The following POLR1A variants were observed in gnomAD, a reference collection of about 807,000 sequenced individuals.
POLR1A encodes the protein RNA polymerase I subunit A.
In POLR1A, 84 loss-of-function variants were observed where a neutral mutation model predicts 205.3. The ratio of observed to expected loss-of-function variants is 0.41; its 90% CI spans 0.34 to 0.49. The LOEUF (loss-of-function observed/expected upper bound fraction) is 0.49, where lower values mean the gene tolerates loss of function less well. Ranked by LOEUF, POLR1A falls within the 20% of genes least tolerant of loss-of-function variation. POLR1A has a pLI of 0.22. For synonymous variants in POLR1A, 799 were observed against 863.7 expected (o/e 0.93, Z 1.31); for missense variants, 1,645 against 2,204.5 (o/e 0.75, Z 5.08).
intron 9 of POLR1A, among the ~76,000 whole-genome samples, chr2:86,079,983 T>A (rs1335189506): frequency 6.6e-6 from 1 of 152,150 alleles, no homozygotes; most frequent in African/African-American, 2.4e-5. Context: ...AAGGAGTTTT[T>A]AAAAGCACAC....
chr2:86,095,872 C>T (rs550024342), intron 3 of POLR1A, among the ~76,000 whole-genome samples: 11 of 144,500 alleles, frequency 7.6e-5, no homozygotes, highest in East Asian at 5.1e-4. Context: ...GGACTACAGG[C>T]GCCTGCCACC....
At chr2:86,088,258 T>C (rs565412845) in intron 6 of POLR1A, among the ~76,000 whole-genome samples, 3 of 152,234 alleles carry the variant, frequency 2.0e-5, no homozygotes, top group Admixed American at 6.5e-5. Context: ...TGTTTCAAAA[T>C]ATTTGTCAGG....
In POLR1A at chr2:86,102,930, T is replaced by C. The variant is rs533318348; in HGVS notation, c.78-2758A>G. On this transcript the variant is annotated intron_variant, in intron 1 of 33. Transcript: ENST00000263857. ...GTTAAGAACTGAGAATGGGTGTCGT[T>C]AAGGACTGAAAGTGCCAAGCACTGA... is the stretch of plus-strand genomic sequence containing the variant. Among the ~76,000 whole-genome samples, 4 of 152,318 alleles carry C rather than the reference T, an allele frequency of 2.6e-5. No homozygotes were observed. In the South Asian group the frequency reaches 8.3e-4, roughly 32 times the overall value.
At chr2:86,050,705 T>C (rs895338805) in intron 16 of POLR1A, among the ~76,000 whole-genome samples, 1 of 152,230 alleles carries the variant, frequency 6.6e-6, no homozygotes, top group Non-Finnish European at 1.5e-5. Flanking sequence ...GATCTTCCTC[T>C]ATTTTCGTTT....
chr2:86,078,008 A>T (rs780492393), intron 10 of POLR1A, 27 bp from the exon 11 acceptor site: 2 of 1,613,874 alleles, frequency 1.2e-6, no homozygotes, highest in South Asian at 2.2e-5. Context: ...GGTCATAAAA[A>T]ACATTCAACA....
chr2:86,057,455 T>C (rs369826814), intron 14 of POLR1A, among the ~76,000 whole-genome samples: 45 of 152,346 alleles, frequency 3.0e-4, no homozygotes, highest in African/African-American at 1.1e-3. Context: ...CAATTCTACT[T>C]CTAGGTATAT....
chr2:86,073,075 T>G (rs1481827533), intron 12 of POLR1A, among the ~76,000 whole-genome samples: 1 of 152,042 alleles, frequency 6.6e-6, no homozygotes. Context: ...TAGCCACACC[T>G]GTGGTCCCAG....
intron 2 of POLR1A, 100 bp downstream of exon 2, chr2:86,099,868 C>G (rs538395373): frequency 2.2e-6 from 2 of 917,022 alleles, no homozygotes; most frequent in Non-Finnish European, 3.5e-6. Flanking sequence ...CATTGGAGTG[C>G]CTGGGGCTTA....
At chr2:86,081,489 A>C (rs1031219094) in intron 8 of POLR1A, 112 bp downstream of exon 8, 15 of 639,224 alleles carry the variant, frequency 2.3e-5, no homozygotes, top group African/African-American at 1.7e-4. Context: ...CTGGAGCGGA[A>C]CTGCAGCTTT....
chr2:86,041,190 T>TGTGTGTGC (rs1212728761), intron 24 of POLR1A, among the ~76,000 whole-genome samples: 1 of 41,926 alleles, frequency 2.4e-5, no homozygotes, highest in Admixed American at 2.0e-4. Flanking sequence ...TGTGTGTGTG[T>TGTGTGTGC]GCGCGCTGAG....
chr2:86,091,709 T>TA (rs1012048891), intron 3 of POLR1A, among the ~76,000 whole-genome samples: 3 of 152,224 alleles, frequency 2.0e-5, no homozygotes, highest in African/African-American at 7.2e-5. Flanking sequence ...ACATGTAACT[T>TA]ACTGTGAGCG....
chr2:86,101,853 T>C (rs1310917874), intron 1 of POLR1A, among the ~76,000 whole-genome samples: 3 of 152,234 alleles, frequency 2.0e-5, no homozygotes, highest in Non-Finnish European at 4.4e-5. Flanking sequence ...ATCTGACTAC[T>C]CTAGGTACCT....
Position 86,075,207 on chromosome 2 carries a change from C to T in POLR1A, c.1434G>A (p.Gln478=). 6.2e-7 allele frequency: 1 copy of T among 1,612,576 alleles called. No individual in the cohort carries two copies. The highest frequency in any genetic ancestry group is 1.7e-5 in the Admixed American group (1 of 59,896). The part of the protein sequence containing the change: ...YPQPVTPWNV[Q]ELRQAVINGP... ...CGTTGATGACCGCTTGCCTAAGTTCCTGAACATTCCATGGGGTAACTGGCT... is the reference window on the plus strand; with the variant it reads ...CGTTGATGACCGCTTGCCTAAGTTCTTGAACATTCCATGGGGTAACTGGCT... Residue 478 remains glutamine, a synonymous_variant, in exon 12 of 34, where the codon CAG becomes CAA. Coordinates refer to ENST00000263857, the MANE Select transcript of POLR1A (RefSeq NM_015425.6).
chr2:86,032,184 TG>T, intron 29 of POLR1A, 87 bp downstream of exon 29: 1 of 886,758 alleles, frequency 1.1e-6, no homozygotes, highest in Non-Finnish European at 1.9e-6. Flanking sequence ...CACAGAGGTG[TG>T]GCCTGGGTGC....
At chr2:86,069,290 G>A (rs6735014) in intron 13 of POLR1A, among the ~76,000 whole-genome samples, 57,711 of 152,160 alleles carry the variant, frequency 0.38, 13,693 homozygotes, top group Non-Finnish European at 0.54. Flanking sequence ...GGAGGACTCA[G>A]ACCTTTGGGT....
chr2:86,089,845 G>T lies in POLR1A; in HGVS notation c.517C>A (p.Leu173Ile). The T allele has an allele frequency of 1.2e-6, 2 of 1,609,884 alleles. No individual in the cohort carries two copies. Among genetic ancestry groups the T allele is most frequent in the Non-Finnish European group, 1.7e-6 (2 of 1,176,068 alleles). ...QYTTEIVQNN[L>I]LGSQGAHVKN... Reference sequence around the variant, plus strand: ...ACATGTGCGCCCTGGGACCCCAGGAGGTTGTTCTGCACAATTTCAGTTGTG... The same window carrying T: ...ACATGTGCGCCCTGGGACCCCAGGATGTTGTTCTGCACAATTTCAGTTGTG... Residue 173 changes from leucine (L) to isoleucine (I), a missense_variant, in exon 4 of 34, where the codon CTC (leucine) becomes ATC (isoleucine). Leu to Ile is a conservative substitution (Grantham distance 5, BLOSUM62 2). Transcript: ENST00000263857.
In POLR1A at chr2:86,026,260, T is replaced by G. The variant is rs979264470; in HGVS notation, c.*1163A>C. 1 of 152,186 alleles carries G rather than the reference T, an allele frequency of 6.6e-6. No homozygotes were observed. The highest frequency in any genetic ancestry group is 1.9e-4 in the East Asian group (1 of 5,198). 9.4% of individuals were successfully genotyped at this position (152,186 alleles called of 1,614,324 possible). ...CAGGAAGAGGGACCCAAGACCTGAC[T>G]GTGCCAAGAAAATCCCCGCCCTGGG... On this transcript the variant is annotated 3_prime_UTR_variant, in exon 34 of 34. Coordinates refer to ENST00000263857, the MANE Select transcript of POLR1A (RefSeq NM_015425.6).
intron 1 of POLR1A, among the ~76,000 whole-genome samples, chr2:86,103,380 G>A (rs1475226881): frequency 6.6e-6 from 1 of 152,144 alleles, no homozygotes; most frequent in African/African-American, 2.4e-5. Context: ...TGAGATCAGA[G>A]AGGTAACAGG....
chr2:86,078,015 A>C (rs1342798989), intron 10 of POLR1A, 34 bp from the exon 11 acceptor site: 3 of 1,613,796 alleles, frequency 1.9e-6, no homozygotes, highest in Non-Finnish European at 2.5e-6. Flanking sequence ...AAAAACATTC[A>C]ACAAGAATTC....
Sources: allele counts gnomAD v4.1 joint callset (sites outside exome capture counted in the v4.1 genomes callset), GRCh38; gene constraint gnomAD v4.1.1; transcripts MANE v1.5; gene names NCBI Gene and HGNC (gene_info 2026-07-23, HGNC 2026-07-21).